The following CDK14 variants were observed in gnomAD, a reference collection of about 807,000 sequenced individuals.
The protein encoded by CDK14 is cyclin-dependent kinase 14.
CDK14 carries 34 observed loss-of-function variants against 60.7 expected under a neutral mutation model. That is an observed-to-expected ratio of 0.56 (90% CI 0.43 to 0.75). The LOEUF (loss-of-function observed/expected upper bound fraction) is 0.75, where lower values mean the gene tolerates loss of function less well. Ranked by LOEUF, CDK14 falls within the 30% of genes least tolerant of loss-of-function variation. The pLI, the probability that CDK14 is intolerant of heterozygous loss-of-function variation, is 0.00. For missense variants in CDK14, 482 were observed against 564.1 expected, an observed-to-expected ratio of 0.85 and a Z score of 1.47; for synonymous variants, 197 against 203.7, an observed-to-expected ratio of 0.97 and a Z score of 0.28.
At chr7:90,897,890 A>T (rs1393637457) in intron 6 of CDK14, among the ~76,000 whole-genome samples, 1 of 152,072 alleles carries the variant, frequency 6.6e-6, no homozygotes, top group Non-Finnish European at 1.5e-5. Flanking sequence ...AATAATTTCC[A>T]AATTAATCAT....
At chr7:91,058,654 G>C (rs1490381989) in intron 11 of CDK14, among the ~76,000 whole-genome samples, 1 of 152,188 alleles carries the variant, frequency 6.6e-6, no homozygotes, top group East Asian at 1.9e-4. Context: ...TGCATCTATT[G>C]AGATAATCAT....
intron 2 of CDK14, among the ~76,000 whole-genome samples, chr7:90,640,246 C>G (rs892187248): frequency 1.3e-5 from 2 of 152,128 alleles, no homozygotes; most frequent in Non-Finnish European, 2.9e-5. Flanking sequence ...GGAGCTGTTC[C>G]TATTCGGCCA....
chr7:90,654,561 G>A (rs369838884), intron 2 of CDK14, among the ~76,000 whole-genome samples: 55 of 152,184 alleles, frequency 3.6e-4, no homozygotes, highest in African/African-American at 1.2e-3. Flanking sequence ...TAAGTTCACC[G>A]TAAGAACTCT....
chr7:91,044,932 G>A (rs962282), intron 10 of CDK14, among the ~76,000 whole-genome samples: 20,343 of 152,156 alleles, frequency 0.13, 1,472 homozygotes, highest in Middle Eastern at 0.17. Flanking sequence ...CTGACATAGT[G>A]CTATGTGCCA....
At chr7:90,659,511 C>T (rs1359539166) in intron 2 of CDK14, among the ~76,000 whole-genome samples, 4 of 152,178 alleles carry the variant, frequency 2.6e-5, no homozygotes, top group Admixed American at 6.5e-5. Context: ...AAAAAATATA[C>T]ATAGTTTAAT....
intron 9 of CDK14, among the ~76,000 whole-genome samples, chr7:90,972,203 G>A (rs3824047): frequency 0.73 from 111,089 of 152,004 alleles, 40,718 homozygotes; most frequent in East Asian, 0.77. Context: ...TAAGAGCAAA[G>A]TACTCCATAG....
At chr7:90,693,923 T>C (rs1801605135) in intron 2 of CDK14, among the ~76,000 whole-genome samples, 4 of 152,278 alleles carry the variant, frequency 2.6e-5, no homozygotes, top group Admixed American at 2.0e-4. Context: ...AAGAGGCTAG[T>C]GTAAGAAATA....
chr7:90,955,797 T>C lies in CDK14; in HGVS notation c.927T>C (p.Tyr309=). The change falls in exon 9 of 15, where the codon TAT becomes TAC. Residue 309 remains tyrosine (Y), a synonymous_variant. Coordinates refer to ENST00000380050, the MANE Select transcript of CDK14 (RefSeq NM_001287135.2). ...ATGTCCTTCTAGGCTCAACAGAATA[T>C]TCCACCTGCCTTGACATGTGGTGAG... ...PPDVLLGSTE[Y]STCLDMWGVG... is the part of the protein sequence containing the mutation. 3 of 1,613,248 alleles carry C rather than the reference T, an allele frequency of 1.9e-6. No individual in the cohort carries two copies. Among genetic ancestry groups the C allele is most frequent in the Non-Finnish European group, 2.5e-6 (3 of 1,179,336 alleles).
intron 10 of CDK14, among the ~76,000 whole-genome samples, chr7:91,028,227 T>G (rs1796657093): frequency 6.6e-6 from 1 of 151,774 alleles, no homozygotes; most frequent in Admixed American, 6.6e-5. Flanking sequence ...CAAGACATTA[T>G]TTTATTCTTT....
rs569537700 is a variant in CDK14 at position 91,208,002 on chromosome 7, G to T, written c.*866G>T. The T allele has an allele frequency of 6.5e-6, 1 of 152,678 alleles. No individual in the cohort carries two copies. Among genetic ancestry groups the T allele is most frequent in the Non-Finnish European group, 1.5e-5 (1 of 68,000 alleles). 9.5% of individuals were successfully genotyped at this position (152,678 alleles called of 1,614,324 possible). A position where few individuals can be genotyped will look rare whatever the true frequency, so the allele number is the denominator to read the frequency against. The stretch of plus-strand genomic sequence containing the variant: ...TTTTCTAACTGGAGAAAAGAGTGAG[G>T]AACAGAATGTTTTAAATCTGGTGCA... On this transcript the variant is annotated 3_prime_UTR_variant, in exon 15 of 15. Coordinates refer to ENST00000380050, the MANE Select transcript of CDK14 (RefSeq NM_001287135.2).
intron 4 of CDK14, among the ~76,000 whole-genome samples, chr7:90,762,326 G>C (rs960336026): frequency 6.6e-6 from 1 of 152,022 alleles, no homozygotes; most frequent in Non-Finnish European, 1.5e-5. Flanking sequence ...TCTGCTGGTG[G>C]GTCACATCTG....
At chr7:90,607,003 A>G (rs1056186130) in intron 2 of CDK14, among the ~76,000 whole-genome samples, 2 of 152,198 alleles carry the variant, frequency 1.3e-5, no homozygotes, top group African/African-American at 4.8e-5. Context: ...TTCATGTTTT[A>G]TGTCAGACAG....
intron 7 of CDK14, among the ~76,000 whole-genome samples, chr7:90,901,941 A>G (rs1792520629): frequency 6.6e-6 from 1 of 152,106 alleles, no homozygotes; most frequent in Admixed American, 6.6e-5. Context: ...ATCAACATAT[A>G]AAAATTTGTA....
intron 6 of CDK14, 68 bp from the exon 7 acceptor site, chr7:90,899,223 T>A: frequency 7.9e-7 from 1 of 1,268,164 alleles, no homozygotes; most frequent in Non-Finnish European, 1.1e-6. Flanking sequence ...GAGTTTGAAG[T>A]AGGAAAATAT....
chr7:90,621,165 C>G (rs554212019), intron 2 of CDK14, among the ~76,000 whole-genome samples: 2 of 152,316 alleles, frequency 1.3e-5, no homozygotes, highest in African/African-American at 4.8e-5. Flanking sequence ...ACCCCAGATA[C>G]AGAGGGAGGG....
chr7:90,928,343 T>A (rs1174791984), intron 8 of CDK14, among the ~76,000 whole-genome samples: 1 of 152,184 alleles, frequency 6.6e-6, no homozygotes, highest in Non-Finnish European at 1.5e-5. Flanking sequence ...TTTCTCCCCA[T>A]CTGTGTGGTT....
At chr7:90,650,280 C>A (rs1488028459) in intron 2 of CDK14, among the ~76,000 whole-genome samples, 4 of 152,096 alleles carry the variant, frequency 2.6e-5, no homozygotes, top group Non-Finnish European at 5.9e-5. Context: ...CTGTTCATGT[C>A]CTTTGCCCAC....
At chr7:91,176,191 A>T (rs1801746793) in intron 14 of CDK14, among the ~76,000 whole-genome samples, 1 of 152,124 alleles carries the variant, frequency 6.6e-6, no homozygotes, top group Non-Finnish European at 1.5e-5. Flanking sequence ...AAACTGAACA[A>T]CCTGCTCCTG....
chr7:90,606,022 C>CA (rs1799410981), intron 2 of CDK14, among the ~76,000 whole-genome samples: 1 of 152,144 alleles, frequency 6.6e-6, no homozygotes. Flanking sequence ...TAATTTGGGT[C>CA]AAAATCATCC....
Sources: allele counts gnomAD v4.1 joint callset (sites outside exome capture counted in the v4.1 genomes callset), GRCh38; gene constraint gnomAD v4.1.1; transcripts MANE v1.5; gene names NCBI Gene and HGNC (gene_info 2026-07-23, HGNC 2026-07-21).